The following EPHB1 variants were observed in gnomAD, a reference collection of about 807,000 sequenced individuals.
EPHB1 encodes ephrin type-B receptor 1.
In EPHB1, 30 loss-of-function variants were observed where a neutral mutation model predicts 94.4. The observed-to-expected ratio is 0.32, with a 90% CI of 0.24 to 0.43. EPHB1 has a LOEUF of 0.43. Ranked by LOEUF, EPHB1 falls within the 20% of genes least tolerant of loss-of-function variation. EPHB1 has a pLI of 1.00. For synonymous variants in EPHB1, 522 were observed against 489.1 expected (o/e 1.07, Z -0.89); for missense variants, 1,055 against 1,308.3 (o/e 0.81, Z 2.99).
intron 1 of EPHB1, among the ~76,000 whole-genome samples, chr3:134,848,209 G>A (rs567283543): frequency 1.3e-5 from 2 of 152,288 alleles, no homozygotes; most frequent in African/African-American, 2.4e-5. Context: ...TGGGACCAGG[G>A]GTTGTCTGCT....
chr3:134,921,491 T>G (rs556321767), intron 1 of EPHB1, among the ~76,000 whole-genome samples: 1 of 152,318 alleles, frequency 6.6e-6, no homozygotes, highest in Admixed American at 6.5e-5. Context: ...CAGTTATGAC[T>G]TTGCTTCTTG....
intron 3 of EPHB1, among the ~76,000 whole-genome samples, chr3:135,036,809 C>A (rs1181280826): frequency 2.6e-5 from 4 of 152,164 alleles, no homozygotes; most frequent in African/African-American, 9.7e-5. Flanking sequence ...GCATCTTGAT[C>A]TGTGGACGGT....
intron 1 of EPHB1, among the ~76,000 whole-genome samples, chr3:134,892,755 C>G (rs2038011397): frequency 6.6e-6 from 1 of 152,152 alleles, no homozygotes; most frequent in Non-Finnish European, 1.5e-5. Context: ...CTAGGCCCTT[C>G]CTTTTTATTC....
chr3:135,134,853 G>T (rs568344349), intron 5 of EPHB1, among the ~76,000 whole-genome samples: 9 of 151,958 alleles, frequency 5.9e-5, no homozygotes, highest in Non-Finnish European at 1.3e-4. Context: ...AAGCATGTGC[G>T]AACAAACCTG....
chr3:134,952,407 C>A (rs979834078), intron 3 of EPHB1, among the ~76,000 whole-genome samples: 4 of 143,504 alleles, frequency 2.8e-5, no homozygotes, highest in African/African-American at 1.1e-4. Flanking sequence ...ACACACACAC[C>A]CCTATATCCT....
chr3:134,917,892 G>A lies in EPHB1; in HGVS notation c.59-7924G>A, dbSNP rs147640931. Among the ~76,000 whole-genome samples, 614 of 152,316 alleles carry A rather than the reference G, an allele frequency of 4.0e-3. 6 individuals carry two copies. Among genetic ancestry groups the A allele is most frequent in the African/African-American group, 0.014 (588 of 41,556 alleles). ...ATGAGTGTTCTTAAGAAAACACAGA[G>A]CATCTTTATGGGCATGTCTCTGTTG... On this transcript the variant is annotated intron_variant, in intron 1 of 15. Transcript: ENST00000398015.
chr3:135,052,976 T>C (rs1263350980), intron 3 of EPHB1, among the ~76,000 whole-genome samples: 1 of 127,140 alleles, frequency 7.9e-6, no homozygotes, highest in Non-Finnish European at 1.6e-5. Context: ...TATATGTGTA[T>C]ATATATGTGT....
At chr3:135,130,854 G>A (rs1037531665) in intron 4 of EPHB1, among the ~76,000 whole-genome samples, 10 of 152,284 alleles carry the variant, frequency 6.6e-5, no homozygotes, top group South Asian at 4.1e-4. Context: ...AGGGGCCCGC[G>A]GGTGAGTCTA....
At chr3:135,042,969 G>A (rs1458909505) in intron 3 of EPHB1, among the ~76,000 whole-genome samples, 1 of 152,008 alleles carries the variant, frequency 6.6e-6, no homozygotes, top group Non-Finnish European at 1.5e-5. Context: ...AGTCTCCCGA[G>A]TAGCTGGGAC....
intron 3 of EPHB1, among the ~76,000 whole-genome samples, chr3:135,037,900 CA>C (rs1367210089): frequency 1.3e-5 from 2 of 152,198 alleles, no homozygotes; most frequent in African/African-American, 4.8e-5. Context: ...AATAAACTTG[CA>C]GGAATTCTGC....
At chr3:135,113,985 G>T (rs1939572408) in intron 4 of EPHB1, among the ~76,000 whole-genome samples, 1 of 152,172 alleles carries the variant, frequency 6.6e-6, no homozygotes, top group Non-Finnish European at 1.5e-5. Flanking sequence ...TTGTGATTGG[G>T]ATATTGCAAC....
intron 1 of EPHB1, among the ~76,000 whole-genome samples, chr3:134,828,630 A>G (rs2036528645): frequency 6.6e-6 from 1 of 152,146 alleles, no homozygotes; most frequent in African/African-American, 2.4e-5. Flanking sequence ...GCCTAGCGCT[A>G]TTTCCATTCT....
intron 1 of EPHB1, among the ~76,000 whole-genome samples, chr3:134,894,503 C>T: frequency 6.6e-6 from 1 of 152,226 alleles, no homozygotes; most frequent in East Asian, 1.9e-4. Context: ...CCCATTTCTT[C>T]TCTGAAAGCC....
At chr3:134,933,142 C>A (rs1560303186) in intron 2 of EPHB1, among the ~76,000 whole-genome samples, 1 of 152,188 alleles carries the variant, frequency 6.6e-6, no homozygotes. Flanking sequence ...CCTCCCCACT[C>A]TCTTGTTTTA....
chr3:135,040,469 A>G (rs1302485711), intron 3 of EPHB1, among the ~76,000 whole-genome samples: 1 of 152,216 alleles, frequency 6.6e-6, no homozygotes, highest in African/African-American at 2.4e-5. Flanking sequence ...CCATGCAGAG[A>G]CACAGAGCCC....
intron 1 of EPHB1, among the ~76,000 whole-genome samples, chr3:134,924,180 C>G (rs1219491228): frequency 6.6e-6 from 1 of 152,104 alleles, no homozygotes; most frequent in Non-Finnish European, 1.5e-5. Flanking sequence ...TCTTTGTGAC[C>G]TTGGGTTAGG....
intron 3 of EPHB1, among the ~76,000 whole-genome samples, chr3:135,096,565 A>G (rs1317802661): frequency 6.6e-6 from 1 of 152,222 alleles, no homozygotes; most frequent in Non-Finnish European, 1.5e-5. Flanking sequence ...GGTGGCTTAA[A>G]CAACAAACAT....
chr3:135,052,489 G>C (rs1937196640), intron 3 of EPHB1, among the ~76,000 whole-genome samples: 1 of 152,014 alleles, frequency 6.6e-6, no homozygotes, highest in South Asian at 2.1e-4. Context: ...GTTTGAATTT[G>C]AGTTTAGGCT....
intron 3 of EPHB1, among the ~76,000 whole-genome samples, chr3:135,010,861 C>T (rs1295645936): frequency 2.0e-5 from 3 of 151,912 alleles, no homozygotes; most frequent in Admixed American, 1.3e-4. Flanking sequence ...CGTGCCCGGC[C>T]GAGGGTCTGT....
Sources: allele counts gnomAD v4.1 joint callset (sites outside exome capture counted in the v4.1 genomes callset), GRCh38; gene constraint gnomAD v4.1.1; transcripts MANE v1.5; gene names NCBI Gene and HGNC (gene_info 2026-07-23, HGNC 2026-07-21).